MACF1: variants seen among roughly 807,000 people sequenced by gnomAD.
The protein encoded by MACF1 is microtubule-actin cross-linking factor 1.
A neutral mutation model predicts 854.8 loss-of-function variants in MACF1; 193 were observed. The observed-to-expected ratio is 0.23, with a 90% confidence interval of 0.20 to 0.25. MACF1 has a LOEUF of 0.25. MACF1 is among the 10% of genes least tolerant of loss of function. The probability of loss-of-function intolerance (pLI) is 1.00; values close to 1 mark genes in which losing one functional copy is unlikely to be tolerated. For missense variants in MACF1, 7,722 were observed against 8,929.1 expected (o/e 0.86, Z 5.45); for synonymous variants, 3,185 against 3,226.7 (o/e 0.99, Z 0.44).
rs1642183557 is a variant in MACF1 at position 39,105,002 on chromosome 1, G to A, written c.220+20564G>A. Among the ~76,000 whole-genome samples, 1 of 152,166 alleles carries A rather than the reference G, an allele frequency of 6.6e-6. No individual in the cohort carries two copies. Among genetic ancestry groups the A allele is most frequent in the Non-Finnish European group, 1.5e-5 (1 of 68,004 alleles). Reference sequence around the variant, plus strand: ...GAAACCCTCCTTTGTCCCGCTCCCGGCGGCGTAGGTCAGCGCTGACTGGGG... The same window carrying A: ...GAAACCCTCCTTTGTCCCGCTCCCGACGGCGTAGGTCAGCGCTGACTGGGG... On this transcript the variant is annotated intron_variant, in intron 2 of 93. Transcript: ENST00000361689. This position sits in a 1 kb window ranked among gnomAD's most constrained non-coding sequence, Gnocchi z 5.9.
rs1201541154 is a variant in MACF1, at chr1:39,459,109, C to T, written c.21220C>T (p.Pro7074Ser). 1 of 1,613,288 alleles carries T rather than the reference C, an allele frequency of 6.2e-7. No individual in the cohort carries two copies. Among genetic ancestry groups the T allele is most frequent in the Admixed American group, 1.7e-5 (1 of 59,760 alleles). Residue 7074 changes from proline (P) to serine (S), a missense_variant, in exon 91 of 101, where the codon CCT becomes TCT. Around this residue, in one of 15 missense-constraint regions of MACF1, gnomAD observed 729 missense variants for 900.5 expected, o/e 0.81. Coordinates refer to ENST00000564288, the MANE Select transcript of MACF1 (RefSeq NM_001394062.1). ...GGRKSLSQPT[P>S]PPMPILSQSE... The stretch of plus-strand genomic sequence containing the variant: ...AGGGAAATCCCTAAGTCAGCCAACC[C>T]CTCCTCCCATGCCAATCCTTTCACA...
At chr1:39,477,145 C>CAT (rs1344013999) in intron 97 of MACF1, among the ~76,000 whole-genome samples, 1 of 133,890 alleles carries the variant, frequency 7.5e-6, no homozygotes, top group Admixed American at 8.0e-5. Context: ...TACACACACA[C>CAT]ACACACACAG....
chr1:39,292,923 T>C, intron 17 of MACF1, 80 bp downstream of exon 17: 1 of 1,211,768 alleles, frequency 8.3e-7, no homozygotes, highest in Non-Finnish European at 1.2e-6. Flanking sequence ...AATTCAGAAA[T>C]CTCCTGGTTT....
At chr1:39,474,798 A>T (rs918856323) in intron 97 of MACF1, among the ~76,000 whole-genome samples, 2 of 152,234 alleles carry the variant, frequency 1.3e-5, no homozygotes, top group African/African-American at 4.8e-5. Context: ...ATCTCAAGAA[A>T]AAAGGTTTTG....
chr1:39,307,175 G>C (rs1452201184), intron 23 of MACF1, among the ~76,000 whole-genome samples: 1 of 151,746 alleles, frequency 6.6e-6, no homozygotes, highest in African/African-American at 2.4e-5. Flanking sequence ...ATGCCCGCCT[G>C]GAAATTATTT....
intron 44 of MACF1, among the ~76,000 whole-genome samples, chr1:39,356,820 A>G (rs1647622627): frequency 6.6e-6 from 1 of 152,246 alleles, no homozygotes; most frequent in Admixed American, 6.5e-5. Context: ...GCATGACCTT[A>G]GTCAAGATAT....
rs749152507 is a variant in MACF1, at chr1:39,311,018, T to C, written c.3270+18T>C. Reference sequence around the variant, plus strand: ...AGCAAGAGGTAAGCCCTAAGAGCCATGTGGATGCTGGTTGTGGAGTGAATG... The same window carrying C: ...AGCAAGAGGTAAGCCCTAAGAGCCACGTGGATGCTGGTTGTGGAGTGAATG... On this transcript the variant is annotated intron_variant, in intron 26 of 100. Transcript: ENST00000564288. The C allele has an allele frequency of 1.9e-6, 3 of 1,603,994 alleles. No homozygotes were observed. The highest frequency in any genetic ancestry group is 2.2e-5 in the South Asian group (2 of 89,636).
intron 6 of MACF1, among the ~76,000 whole-genome samples, chr1:39,266,158 C>T (rs1571237703): frequency 1.3e-5 from 2 of 152,182 alleles, no homozygotes; most frequent in East Asian, 1.9e-4. Context: ...AGAAACTCTA[C>T]AGCAGTAGTA....
intron 49 of MACF1, among the ~76,000 whole-genome samples, chr1:39,367,142 T>G (rs1437298395): frequency 6.6e-6 from 1 of 151,822 alleles, no homozygotes; most frequent in Non-Finnish European, 1.5e-5. Context: ...AGACGGAGTT[T>G]CACCATGTTG....
At chr1:39,119,580 A>G (rs1301006786) in intron 2 of MACF1, among the ~76,000 whole-genome samples, 1 of 152,064 alleles carries the variant, frequency 6.6e-6, no homozygotes, top group Non-Finnish European at 1.5e-5. Context: ...TTTATTTCTT[A>G]GTGTTTTCAG....
intron 2 of MACF1, among the ~76,000 whole-genome samples, chr1:39,114,702 C>T (rs1642502675): frequency 6.6e-6 from 1 of 152,164 alleles, no homozygotes; most frequent in South Asian, 2.1e-4. Context: ...TTGTCCTTGT[C>T]TCTCTATGAT....
At chr1:39,313,862 G>C (rs952317506) in intron 26 of MACF1, among the ~76,000 whole-genome samples, 3 of 151,910 alleles carry the variant, frequency 2.0e-5, no homozygotes, top group Non-Finnish European at 2.9e-5. Context: ...CAGTCCTCCT[G>C]CCTCAGCCTC....
intron 58 of MACF1, chr1:39,411,779 T>G: frequency 6.2e-7 from 1 of 1,613,840 alleles, no homozygotes; most frequent in Non-Finnish European, 8.5e-7. Context: ...GAAAATTTAC[T>G]CGTAATTAGT....
chr1:39,427,393 T>C, intron 61 of MACF1, 62 bp from the exon 62 acceptor site: 1 of 1,412,640 alleles, frequency 7.1e-7, no homozygotes. Context: ...CTGAGTATAG[T>C]ACTATTACCA....
At chr1:39,309,002 T>A (rs567042757) in intron 23 of MACF1, among the ~76,000 whole-genome samples, 2 of 152,292 alleles carry the variant, frequency 1.3e-5, no homozygotes, top group African/African-American at 4.8e-5. Context: ...TTCTCAACAT[T>A]TTAGCATTTT....
intron 2 of MACF1, among the ~76,000 whole-genome samples, chr1:39,151,784 T>G (rs1266957335): frequency 6.6e-6 from 1 of 152,122 alleles, no homozygotes; most frequent in East Asian, 1.9e-4. Flanking sequence ...TCTCCCTTAC[T>G]AGATTATAAG....
chr1:39,194,565 C>G (rs1409161265), intron 2 of MACF1, among the ~76,000 whole-genome samples: 1 of 151,692 alleles, frequency 6.6e-6, no homozygotes, highest in South Asian at 2.1e-4. Flanking sequence ...TGGTCTTGAA[C>G]TCCTGACCTT....
chr1:39,144,473 T>G (rs1469527310), intron 2 of MACF1, among the ~76,000 whole-genome samples: 2 of 152,186 alleles, frequency 1.3e-5, no homozygotes, highest in African/African-American at 4.8e-5. Context: ...ATTGAAGTTA[T>G]TGATACTGCA....
intron 58 of MACF1, among the ~76,000 whole-genome samples, chr1:39,416,383 C>T (rs1167862593): frequency 6.6e-6 from 1 of 151,762 alleles, no homozygotes; most frequent in African/African-American, 2.4e-5. Flanking sequence ...CAGTGGCTCA[C>T]ACCTCTAATC....
Sources: allele counts gnomAD v4.1 joint callset (sites outside exome capture counted in the v4.1 genomes callset), GRCh38; gene constraint gnomAD v4.1.1; regional missense constraint gnomAD v4.1.1; non-coding constraint Gnocchi (gnomAD v3.1); transcripts MANE v1.5; gene names NCBI Gene and HGNC (gene_info 2026-07-23, HGNC 2026-07-21).